The following GATC variants were observed in gnomAD, a reference collection of about 807,000 sequenced individuals.
GATC encodes glutamyl-tRNA amidotransferase subunit C.
In GATC, 11 loss-of-function variants were observed where a neutral mutation model predicts 14.4. The observed-to-expected ratio is 0.77, with a 90% CI of 0.48 to 1.27. The LOEUF (loss-of-function observed/expected upper bound fraction) is 1.27. Among genes scored for constraint, GATC ranks in the 50% most tolerant of loss-of-function variants. The pLI is 0.00. For synonymous variants in GATC, 76 were observed against 79.3 expected (o/e 0.96, Z 0.22); for missense variants, 204 against 183.0 (o/e 1.11, Z -0.66).
chr12:120,462,408 C>A lies in GATC; in HGVS notation c.*2449C>A. 2.7e-6 allele frequency: 1 copy of A among 369,668 alleles called. No homozygotes were observed. 22.9% of individuals were successfully genotyped at this position (369,668 alleles called of 1,614,324 possible). On this transcript the variant is annotated 3_prime_UTR_variant, in exon 4 of 4. Transcript: ENST00000551765. ...TTGCCCAAGGTAACACAATAAATGC[C>A]AATTTGACATGTTGATACTCAATTA... is the stretch of plus-strand genomic sequence containing the variant.
intron 2 of GATC, among the ~76,000 whole-genome samples, chr12:120,449,238 G>A (rs1054486172): frequency 2.8e-4 from 43 of 151,970 alleles, no homozygotes; most frequent in African/African-American, 1.0e-3. Context: ...GATTACAGGC[G>A]TGAGCCACTG....
At chr12:120,450,131 G>C (rs972977551) in intron 2 of GATC, among the ~76,000 whole-genome samples, 1 of 152,132 alleles carries the variant, frequency 6.6e-6, no homozygotes, top group African/African-American at 2.4e-5. Context: ...ATTTCCCCAA[G>C]TTATCTAGAG....
chr12:120,449,510 C>T (rs577053801), intron 2 of GATC, among the ~76,000 whole-genome samples: 3 of 152,082 alleles, frequency 2.0e-5, no homozygotes, highest in South Asian at 2.1e-4. Context: ...GAGGCAGTGG[C>T]GTGATCTCGG....
chr12:120,454,707 G>A (rs928045285), intron 2 of GATC, among the ~76,000 whole-genome samples: 1 of 151,816 alleles, frequency 6.6e-6, no homozygotes, highest in Non-Finnish European at 1.5e-5. Flanking sequence ...GAGGCACCGC[G>A]CCCGGCCTCT....
Position 120,446,488 on chromosome 12 carries a change from C to A in GATC, c.8C>A (p.Ser3Ter). 6.2e-7 allele frequency: 1 copy of A among 1,606,812 alleles called. No homozygotes were observed. Among genetic ancestry groups the A allele is most frequent in the South Asian group, 1.1e-5 (1 of 90,628 alleles). MW[S>*]RLVWLGLRAP... is the part of the protein sequence containing the mutation. ...GGGCCAAGGAAGGAAGAAATGTGGT[C>A]GCGGTTGGTGTGGCTGGGCCTTCGG... Residue 3 changes from serine (S) to a stop codon, truncating the protein, a stop_gained, in exon 1 of 4, where the codon TCG becomes TAG. Coordinates refer to ENST00000551765, the MANE Select transcript of GATC (RefSeq NM_176818.3). LOFTEE classifies it high-confidence loss of function.
rs182039749 is a variant in GATC, at chr12:120,463,624, T to C, written c.*3665T>C. 5.9e-5 allele frequency: 11 copies of C among 186,814 alleles called. No individual in the cohort carries two copies. The highest frequency in any genetic ancestry group is 7.8e-5 in the Non-Finnish European group (7 of 89,732). 11.6% of individuals were successfully genotyped at this position (186,814 alleles called of 1,614,324 possible). A position where few individuals can be genotyped will look rare whatever the true frequency, so the allele number is the denominator to read the frequency against. ...GAGTTCACAGAGGGATACTGCCATT[T>C]AAGCTGGTTGTGAATGGGGTGGTAT... On this transcript the variant is annotated 3_prime_UTR_variant, in exon 4 of 4. Transcript: ENST00000551765.
rs1445275771 is a variant in GATC, at chr12:120,461,637, CTG to C, written c.*1681_*1682del. ...AATTAGTGTGCCTATTTGGTGAAAT[CTG>C]TGAACTTAATCAAGGACAACCACAC... is the stretch of plus-strand genomic sequence containing the variant. On this transcript the variant is annotated 3_prime_UTR_variant, in exon 4 of 4. Transcript: ENST00000551765. 1.9e-5 allele frequency: 3 copies of C among 154,934 alleles called. No individual in the cohort carries two copies. The highest frequency in any genetic ancestry group is 4.8e-5 in the African/African-American group (2 of 41,484). 9.6% of individuals were successfully genotyped at this position (154,934 alleles called of 1,614,324 possible).
intron 1 of GATC, 43 bp from the exon 2 acceptor site, chr12:120,446,614 G>A (rs767965087): frequency 2.5e-6 from 4 of 1,592,218 alleles, no homozygotes; most frequent in Non-Finnish European, 8.6e-7. Context: ...GAGGCACTTC[G>A]GAGCGCCGGT....
intron 3 of GATC, among the ~76,000 whole-genome samples, chr12:120,457,911 A>T (rs1878230826): frequency 7.0e-6 from 1 of 141,934 alleles, no homozygotes; most frequent in African/African-American, 2.8e-5. Flanking sequence ...GTGTGGCCTT[A>T]GCCCAGATGT....
chr12:120,453,215 T>A (rs769376279), intron 2 of GATC, among the ~76,000 whole-genome samples: 19 of 152,182 alleles, frequency 1.2e-4, no homozygotes, highest in Non-Finnish European at 2.4e-4. Flanking sequence ...ATGGAGCCAC[T>A]TTGTCCTCCC....
chr12:120,449,309 A>G (rs1199070717), intron 2 of GATC, among the ~76,000 whole-genome samples: 1 of 152,038 alleles, frequency 6.6e-6, no homozygotes, highest in African/African-American at 2.4e-5. Flanking sequence ...GGGCTGATTT[A>G]TACATGCGTT....
rs1355884847 is a variant in GATC, at chr12:120,446,464, G to A, written c.-17G>A. On this transcript the variant is annotated 5_prime_UTR_variant, in exon 1 of 4. Transcript: ENST00000551765. ...GCGTTACGCGCGGGCGCACTGCGGGGGCCAAGGAAGGAAGAAATGTGGTCG... is the reference window on the plus strand; with the variant it reads ...GCGTTACGCGCGGGCGCACTGCGGGAGCCAAGGAAGGAAGAAATGTGGTCG... 10 of 1,604,954 alleles carry A rather than the reference G, an allele frequency of 6.2e-6. No homozygotes were observed. The highest frequency in any genetic ancestry group is 5.5e-5 in the South Asian group (5 of 90,520).
rs546157976 is a variant in GATC at position 120,460,300 on chromosome 12, G to A, written c.*341G>A. On this transcript the variant is annotated 3_prime_UTR_variant, in exon 4 of 4. Coordinates refer to ENST00000551765, the MANE Select transcript of GATC (RefSeq NM_176818.3). ...CATGAAAGTGAACTTTTCTATCTAC[G>A]TAACTGGTAGACGGAGCATCTTGAT... 62 of 183,798 alleles carry A rather than the reference G, an allele frequency of 3.4e-4. No individual in the cohort carries two copies. The highest frequency in any genetic ancestry group is 2.5e-4 in the Admixed American group (4 of 16,222). 11.4% of individuals were successfully genotyped at this position (183,798 alleles called of 1,614,324 possible).
chr12:120,452,653 C>T (rs1159506043), intron 2 of GATC, among the ~76,000 whole-genome samples: 2 of 151,536 alleles, frequency 1.3e-5, no homozygotes, highest in East Asian at 1.9e-4. Flanking sequence ...CCTCCTGCCT[C>T]GGCCTCCCAA....
chr12:120,460,219 G>C lies in GATC; in HGVS notation c.*260G>C. ...GGAATTCACTTAACAGGCCTGTTCAGTATGGAAGACATTATTTATCTGCCT... is the reference window on the plus strand; with the variant it reads ...GGAATTCACTTAACAGGCCTGTTCACTATGGAAGACATTATTTATCTGCCT... On this transcript the variant is annotated 3_prime_UTR_variant, in exon 4 of 4. Transcript: ENST00000551765. 1 of 331,192 alleles carries C rather than the reference G, an allele frequency of 3.0e-6. No homozygotes were observed. Among genetic ancestry groups the C allele is most frequent in the Non-Finnish European group, 5.7e-6 (1 of 175,808 alleles). The allele number at this position is 331,192 out of a possible 1,614,324, so 20.5% of individuals were successfully genotyped here. A position where few individuals can be genotyped will look rare whatever the true frequency, so the allele number is the denominator to read the frequency against.
At chr12:120,453,313 TTCTAGTTTAC>T (rs1392110770) in intron 2 of GATC, among the ~76,000 whole-genome samples, 1 of 152,202 alleles carries the variant, frequency 6.6e-6, no homozygotes, top group Non-Finnish European at 1.5e-5. Context: ...CAGCAGGGAC[TTCTAGTTTAC>T]AACTGAAGTC....
chr12:120,453,830 AAACAACAACAAC>A (rs145076050), intron 2 of GATC, among the ~76,000 whole-genome samples: 2 of 150,480 alleles, frequency 1.3e-5, no homozygotes, highest in Non-Finnish European at 1.5e-5. Context: ...AAAAAAAGTA[AAACAACAACAAC>A]AACAACAACA....
At position 120,460,045 on chromosome 12, in the gene GATC, C is replaced by CT; in HGVS notation, c.*92dup. 1.0e-6 allele frequency: 1 copy of CT among 985,826 alleles called. No individual in the cohort carries two copies. Among genetic ancestry groups the CT allele is most frequent in the Admixed American group, 2.1e-5 (1 of 47,188 alleles). 61.1% of individuals were successfully genotyped at this position (985,826 alleles called of 1,614,324 possible). ...TTTACTGTGAATACTAATGTTCCTG[C>CT]TTTTTTCAGTCCCCTGAAAAAATGG... On this transcript the variant is annotated 3_prime_UTR_variant, in exon 4 of 4. Transcript: ENST00000551765.
intron 3 of GATC, 107 bp downstream of exon 3, chr12:120,457,286 T>A: frequency 1.2e-6 from 1 of 810,940 alleles, no homozygotes; most frequent in South Asian, 1.5e-5. Flanking sequence ...TTGAAAAGGA[T>A]GAAGTGCATA....
Sources: allele counts gnomAD v4.1 joint callset (sites outside exome capture counted in the v4.1 genomes callset), GRCh38; gene constraint gnomAD v4.1.1; transcripts MANE v1.5; gene names NCBI Gene and HGNC (gene_info 2026-07-23, HGNC 2026-07-21).